CNTNAP2: variants seen among roughly 807,000 people sequenced by gnomAD.
CNTNAP2 encodes the protein contactin-associated protein-like 2.
Under a neutral mutation model 155.2 loss-of-function variants are expected in CNTNAP2, and 98 were observed. The observed-to-expected ratio is 0.63, with a 90% CI of 0.54 to 0.75. The LOEUF (loss-of-function observed/expected upper bound fraction) is 0.75, where lower values mean the gene tolerates loss of function less well. Among genes scored for constraint, CNTNAP2 ranks in the 30% least tolerant of loss-of-function variants. The pLI is 0.00. For missense variants in CNTNAP2, 1,727 were observed against 1,688.1 expected, an observed-to-expected ratio of 1.02 and a Z score of -0.40; for synonymous variants, 651 against 631.2, an observed-to-expected ratio of 1.03 and a Z score of -0.47.
intron 2 of CNTNAP2, among the ~76,000 whole-genome samples, chr7:146,780,819 A>C (rs1321241408): frequency 6.6e-6 from 1 of 152,144 alleles, no homozygotes; most frequent in African/African-American, 2.4e-5. Flanking sequence ...GGAGCTGAAC[A>C]ATGAGAACAC....
intron 13 of CNTNAP2, among the ~76,000 whole-genome samples, chr7:147,790,072 G>A (rs1192053601): frequency 6.6e-6 from 1 of 152,020 alleles, no homozygotes; most frequent in East Asian, 1.9e-4. Context: ...TCCCTCTAGA[G>A]AACCCTGACC....
chr7:147,378,074 T>A (rs561960214), intron 9 of CNTNAP2: 3 of 464,862 alleles, frequency 6.5e-6, no homozygotes, highest in Non-Finnish European at 1.3e-5. Context: ...TTACTTTTAA[T>A]GGCAAAAACC....
At chr7:148,314,506 A>G (rs1797652070) in intron 21 of CNTNAP2, among the ~76,000 whole-genome samples, 1 of 152,002 alleles carries the variant, frequency 6.6e-6, no homozygotes. Context: ...AGGCTAAGGG[A>G]GAAGAAGGGG....
In CNTNAP2 at chr7:147,300,137, C is replaced by G; in HGVS notation, c.1349-4C>G. The G allele has an allele frequency of 5.0e-6, 8 of 1,613,870 alleles. No homozygotes were observed. The highest frequency in any genetic ancestry group is 6.8e-6 in the Non-Finnish European group (8 of 1,179,880). The stretch of plus-strand genomic sequence containing the variant: ...AAAAATGACTTTTATCTTGTACTTA[C>G]CAGGTTCTGGGTTGAATGATGGACA... On this transcript the variant is annotated splice_polypyrimidine_tract_variant and splice_region_variant and intron_variant, in intron 8 of 23. Coordinates refer to ENST00000361727, the MANE Select transcript of CNTNAP2 (RefSeq NM_014141.6).
At chr7:147,030,607 T>G (rs1434334898) in intron 3 of CNTNAP2, among the ~76,000 whole-genome samples, 4 of 152,198 alleles carry the variant, frequency 2.6e-5, no homozygotes, top group Admixed American at 6.5e-5. Context: ...CACTCTCCCT[T>G]TATACTTTTA....
At chr7:148,238,058 AAGAAGTCCCAGGCC>A (rs1796074686) in intron 20 of CNTNAP2, among the ~76,000 whole-genome samples, 1 of 152,186 alleles carries the variant, frequency 6.6e-6, no homozygotes, top group Non-Finnish European at 1.5e-5. Flanking sequence ...AACAGAGATT[AAGAAGTCCCAGGCC>A]AGGCGCGGTG....
intron 13 of CNTNAP2, among the ~76,000 whole-genome samples, chr7:147,823,507 G>T (rs899839870): frequency 6.6e-6 from 1 of 152,042 alleles, no homozygotes; most frequent in South Asian, 2.1e-4. Context: ...CTACCTTTGA[G>T]GTATGAAGAC....
At chr7:148,058,973 A>G (rs1255878005) in intron 15 of CNTNAP2, among the ~76,000 whole-genome samples, 1 of 151,878 alleles carries the variant, frequency 6.6e-6, no homozygotes, top group African/African-American at 2.4e-5. Flanking sequence ...TGGGTGTGTC[A>G]CTTTATGAAA....
intron 3 of CNTNAP2, among the ~76,000 whole-genome samples, chr7:146,996,011 TG>T (rs1241849911): frequency 6.6e-6 from 1 of 152,112 alleles, no homozygotes; most frequent in Non-Finnish European, 1.5e-5. Context: ...TTTTTGTTTT[TG>T]TTTTTTTTTA....
At chr7:147,143,301 C>T (rs987390225) in intron 8 of CNTNAP2, among the ~76,000 whole-genome samples, 4 of 152,116 alleles carry the variant, frequency 2.6e-5, no homozygotes, top group Non-Finnish European at 5.9e-5. Flanking sequence ...TCATGAACCC[C>T]CAAGTTTTAA....
chr7:147,362,448 CT>C (rs11285155), intron 9 of CNTNAP2, among the ~76,000 whole-genome samples: 35,111 of 152,128 alleles, frequency 0.23, 4,408 homozygotes, highest in Non-Finnish European at 0.28. Context: ...GCTGTATTAT[CT>C]TTTATGTCCT....
intron 13 of CNTNAP2, among the ~76,000 whole-genome samples, chr7:147,772,144 G>A (rs1343567929): frequency 6.6e-6 from 1 of 151,692 alleles, no homozygotes; most frequent in Non-Finnish European, 1.5e-5. Context: ...TCTTGTAATT[G>A]GCCAGGCATG....
chr7:146,592,521 G>A (rs577032695), intron 1 of CNTNAP2, among the ~76,000 whole-genome samples: 7 of 152,214 alleles, frequency 4.6e-5, no homozygotes, highest in Admixed American at 1.3e-4. Flanking sequence ...GCCATGTGTC[G>A]CTCCAATTCC....
At chr7:146,479,827 C>T (rs1417623679) in intron 1 of CNTNAP2, among the ~76,000 whole-genome samples, 1 of 152,028 alleles carries the variant, frequency 6.6e-6, no homozygotes, top group Admixed American at 6.6e-5. Flanking sequence ...CTCTGTCCCC[C>T]GGGCTGGAGT....
chr7:146,380,784 C>CTTTTTTTTTTTT lies in CNTNAP2; in HGVS notation c.97+263833_97+263844dup, dbSNP rs56886106. On this transcript the variant is annotated intron_variant, in intron 1 of 23. Transcript: ENST00000361727. ...ATATTTCTTGCTTCTTATGCACGTT[C>CTTTTTTTTTTTT]TTTTTTTTTTTTTTTTTTTTTTTTT... Among the ~76,000 whole-genome samples the CTTTTTTTTTTTT allele has an allele frequency of 1.5e-4, 6 of 38,820 alleles. 1 individual carries two copies. The highest frequency in any genetic ancestry group is 4.7e-4 in the African/African-American group (6 of 12,770). The allele number at this position is 38,820 out of a possible 152,430, so 25.5% of individuals were successfully genotyped here. A position where few individuals can be genotyped will look rare whatever the true frequency, so the allele number is the denominator to read the frequency against.
chr7:146,242,164 G>T (rs1409030260), intron 1 of CNTNAP2, among the ~76,000 whole-genome samples: 1 of 152,120 alleles, frequency 6.6e-6, no homozygotes, highest in Non-Finnish European at 1.5e-5. Flanking sequence ...CACTGAACTG[G>T]TGATAAAATA....
At chr7:146,960,816 A>G (rs775929064) in intron 3 of CNTNAP2, among the ~76,000 whole-genome samples, 4 of 152,290 alleles carry the variant, frequency 2.6e-5, no homozygotes, top group Admixed American at 6.5e-5. Flanking sequence ...CATACATTTA[A>G]TAGCCCAGTT....
chr7:148,299,259 GTA>G (rs1242969665), intron 21 of CNTNAP2, among the ~76,000 whole-genome samples: 2 of 152,090 alleles, frequency 1.3e-5, no homozygotes, highest in African/African-American at 4.8e-5. Flanking sequence ...CAAAATGCTG[GTA>G]TTACAGATGT....
intron 13 of CNTNAP2, among the ~76,000 whole-genome samples, chr7:147,739,304 A>C (rs1796916229): frequency 6.6e-6 from 1 of 152,048 alleles, no homozygotes; most frequent in Admixed American, 6.5e-5. Context: ...GTGTGTGTTC[A>C]CTGTTAATCT....
Sources: allele counts gnomAD v4.1 joint callset (sites outside exome capture counted in the v4.1 genomes callset), GRCh38; gene constraint gnomAD v4.1.1; transcripts MANE v1.5; gene names NCBI Gene and HGNC (gene_info 2026-07-23, HGNC 2026-07-21).